The following P2RX4 variants were observed in gnomAD, a reference collection of about 807,000 sequenced individuals.
P2RX4 encodes P2X purinoceptor 4.
In P2RX4, 37 loss-of-function variants were observed where a neutral mutation model predicts 48.0. That is an observed-to-expected ratio of 0.77 (90% CI 0.59 to 1.01). The LOEUF (loss-of-function observed/expected upper bound fraction) is 1.01, where lower values mean the gene tolerates loss of function less well. Among genes scored for constraint, P2RX4 ranks in the 50% least tolerant of loss-of-function variants. The probability of loss-of-function intolerance (pLI) is 0.00; values close to 1 mark genes in which losing one functional copy is unlikely to be tolerated. For synonymous variants in P2RX4, 200 were observed against 199.7 expected (o/e 1.00, Z -0.01); for missense variants, 501 against 521.4 (o/e 0.96, Z 0.38).
chr12:121,222,375 T>C, intron 4 of P2RX4: 1 of 526,814 alleles, frequency 1.9e-6, no homozygotes, highest in South Asian at 2.5e-5. Flanking sequence ...TTTTTTTTTT[T>C]GTTGTTGTTG....
At chr12:121,226,541 TCAAAAA>T (rs1272845692) in intron 5 of P2RX4, among the ~76,000 whole-genome samples, 7 of 152,074 alleles carry the variant, frequency 4.6e-5, no homozygotes, top group Admixed American at 4.6e-4. Context: ...AGACCCTGTC[TCAAAAA>T]CAGAACAAAG....
At chr12:121,223,715 G>T (rs1194493834) in intron 5 of P2RX4, among the ~76,000 whole-genome samples, 1 of 152,228 alleles carries the variant, frequency 6.6e-6, no homozygotes, top group African/African-American at 2.4e-5. Flanking sequence ...TGCACAGCGG[G>T]GGGGCAGTGT....
At chr12:121,215,262 C>A (rs982780509) in intron 1 of P2RX4, 2 of 151,972 alleles carry the variant, frequency 1.3e-5, no homozygotes, top group African/African-American at 4.8e-5. Context: ...ATTCTTTTAC[C>A]CTCACAAGAA....
chr12:121,225,010 A>G (rs1275412054), intron 5 of P2RX4, among the ~76,000 whole-genome samples: 1 of 152,184 alleles, frequency 6.6e-6, no homozygotes, highest in Non-Finnish European at 1.5e-5. Context: ...TGAAAATTGA[A>G]ATATGGCTGG....
chr12:121,232,491 T>A lies in P2RX4; in HGVS notation c.962T>A (p.Ile321Asn), dbSNP rs558812744. 6.2e-7 allele frequency: 1 copy of A among 1,614,064 alleles called. No individual in the cohort carries two copies. The highest frequency in any genetic ancestry group is 1.1e-5 in the South Asian group (1 of 91,080). ...AAGGCCTATGGCATCCGCTTCGACA[T>A]CATTGTGTTTGGGAAGGTAGCTCGC... ...LIKAYGIRFD[I>N]IVFGKAGKFD... The change falls in exon 9 of 12, where the codon ATC (isoleucine) becomes AAC (asparagine). Residue 321 changes from isoleucine to asparagine, a missense_variant. Coordinates refer to ENST00000337233, the MANE Select transcript of P2RX4 (RefSeq NM_002560.3). The surrounding 1 kb of genome is among the most constrained non-coding windows in gnomAD (Gnocchi z 4.3).
Position 121,210,206 on chromosome 12 carries a change from G to A in P2RX4, c.42G>A (p.Glu14=), listed in dbSNP as rs776439123. 3.2e-6 allele frequency: 5 copies of A among 1,553,160 alleles called. No individual in the cohort carries two copies. Among genetic ancestry groups the A allele is most frequent in the Middle Eastern group, 2.3e-4 (1 of 4,302 alleles). Residue 14 remains glutamate (E), a synonymous_variant, in exon 1 of 12, where the codon GAG becomes GAA. Transcript: ENST00000337233. ...CCGCGCTGGCGGCCTTCCTGTTCGAGTACGACACGCCGCGCATCGTGCTCA... is the reference window on the plus strand; with the variant it reads ...CCGCGCTGGCGGCCTTCCTGTTCGAATACGACACGCCGCGCATCGTGCTCA... ...CCAALAAFLF[E]YDTPRIVLIR...
chr12:121,217,768 A>G (rs988639734), intron 2 of P2RX4, among the ~76,000 whole-genome samples: 2 of 151,352 alleles, frequency 1.3e-5, no homozygotes, highest in Non-Finnish European at 2.9e-5. Context: ...TCTATAAAAA[A>G]AAAAAAAAAG....
Position 121,233,520 on chromosome 12 carries a change from C to T in P2RX4, c.1141-3C>T. ...CTTGATCTGCTTGTGTCCTTCTTTG[C>T]AGGGTCTTGCTAGTGAGCTGGACCA... On this transcript the variant is annotated splice_region_variant and splice_polypyrimidine_tract_variant and intron_variant, in intron 11 of 11. Transcript: ENST00000337233. The T allele has an allele frequency of 6.2e-7, 1 of 1,607,692 alleles. No individual in the cohort carries two copies. Among genetic ancestry groups the T allele is most frequent in the Non-Finnish European group, 8.5e-7 (1 of 1,176,770 alleles).
chr12:121,210,209 C>A lies in P2RX4; in HGVS notation c.45C>A (p.Tyr15Ter). 6.4e-7 allele frequency: 1 copy of A among 1,553,688 alleles called. No individual in the cohort carries two copies. Among genetic ancestry groups the A allele is most frequent in the South Asian group, 1.2e-5 (1 of 84,340 alleles). Residue 15 changes from tyrosine to a stop codon, truncating the protein, a stop_gained, in exon 1 of 12, where the codon TAC becomes TAA. Transcript: ENST00000337233. LOFTEE classifies it high-confidence loss of function. ...CGCTGGCGGCCTTCCTGTTCGAGTA[C>A]GACACGCCGCGCATCGTGCTCATCC... Reference protein sequence around the residue: ...CAALAAFLFEYDTPRIVLIRS... With the variant: ...CAALAAFLFE
intron 5 of P2RX4, among the ~76,000 whole-genome samples, chr12:121,226,505 T>A (rs1300266570): frequency 1.3e-5 from 2 of 152,080 alleles, no homozygotes; most frequent in Non-Finnish European, 2.9e-5. Context: ...ATCATGCCAC[T>A]GCGCTCCAGC....
Position 121,232,331 on chromosome 12 carries a change from G to T in P2RX4, c.885-83G>T. The T allele has an allele frequency of 1.0e-6, 1 of 967,782 alleles. No homozygotes were observed. The allele number at this position is 967,782 out of a possible 1,614,324, so 59.9% of individuals were successfully genotyped here. ...CCGGCAGAGTGGACCATTCACCTGT[G>T]CCAGCTCCACTCTAACGTTCTCTCA... On this transcript the variant is annotated intron_variant, in intron 8 of 11. Transcript: ENST00000337233. This position sits in a 1 kb window ranked among gnomAD's most constrained non-coding sequence, Gnocchi z 4.3.
At position 121,232,923 on chromosome 12, in the gene P2RX4, G is replaced by A. The variant is rs11608486; in HGVS notation, c.1045-74G>A. On this transcript the variant is annotated intron_variant, in intron 10 of 11. Transcript: ENST00000337233. This position sits in a 1 kb window ranked among gnomAD's most constrained non-coding sequence, Gnocchi z 4.3. ...GTAAAGATTCCAGGCTTCTCAGGAA[G>A]GGGCACGCAAAGAATAAGATGGGTT... 9.5e-7 allele frequency: 1 copy of A among 1,056,750 alleles called. No individual in the cohort carries two copies. 65.5% of individuals were successfully genotyped at this position (1,056,750 alleles called of 1,614,324 possible). A position where few individuals can be genotyped will look rare whatever the true frequency, so the allele number is the denominator to read the frequency against.
chr12:121,232,020 A>AC lies in P2RX4; in HGVS notation c.885-394_885-393insC, dbSNP rs1287025086. 1.3e-5 allele frequency among the ~76,000 whole-genome samples: 2 copies of AC among 151,378 alleles called. No individual in the cohort carries two copies. Among genetic ancestry groups the AC allele is most frequent in the Non-Finnish European group, 2.9e-5 (2 of 67,820 alleles). ...ACTCCATCTCAAAAAAAAAAAAAAA[A>AC]AAAGTCCCTGCACTGATGCTGTGTT... On this transcript the variant is annotated intron_variant, in intron 8 of 11. Coordinates refer to ENST00000337233, the MANE Select transcript of P2RX4 (RefSeq NM_002560.3). The surrounding 1 kb of genome is among the most constrained non-coding windows in gnomAD (Gnocchi z 4.3).
rs748357186 is a variant in P2RX4 at position 121,229,062 on chromosome 12, G to A, written c.847G>A (p.Asp283Asn). The A allele has an allele frequency of 2.5e-6, 4 of 1,614,168 alleles. No individual in the cohort carries two copies. In the South Asian group the frequency reaches 3.3e-5, roughly 13 times the overall value. Reference protein sequence around the residue: ...RYSFRRLDTRDVEHNVSPGYN... With the variant: ...RYSFRRLDTRNVEHNVSPGYN... ...CTCCTTCCGCCGCCTCGATACACGG[G>A]ACGTTGAGCACAACGTATCTCCTGG... Residue 283 changes from aspartate to asparagine, a missense_variant, in exon 8 of 12, where the codon GAC becomes AAC. By Grantham distance (23) the Asp-to-Asn change is conservative. Around this residue, in one of 3 missense-constraint regions of P2RX4, gnomAD observed 197 missense variants for 219.5 expected, o/e 0.90. Coordinates refer to ENST00000337233, the MANE Select transcript of P2RX4 (RefSeq NM_002560.3). The surrounding 1 kb of genome is among the most constrained non-coding windows in gnomAD (Gnocchi z 4.6).
Position 121,229,009 on chromosome 12 carries a change from G to T in P2RX4, c.794G>T (p.Arg265Ile). The stretch of plus-strand genomic sequence containing the variant: ...GTCAACTGGGACTGCAACCTGGACA[G>T]AGCCGCCTCCCTCTGCTTGCCCAGG... ...IQVNWDCNLDRAASLCLPRYS... is the reference protein window; with the variant it reads ...IQVNWDCNLDIAASLCLPRYS... The change falls in exon 8 of 12, where the codon AGA (arginine) becomes ATA (isoleucine). Residue 265 changes from arginine to isoleucine, a missense_variant. Coordinates refer to ENST00000337233, the MANE Select transcript of P2RX4 (RefSeq NM_002560.3). This position sits in a 1 kb window ranked among gnomAD's most constrained non-coding sequence, Gnocchi z 4.6. 1.2e-6 allele frequency: 2 copies of T among 1,614,090 alleles called. No individual in the cohort carries two copies. Among genetic ancestry groups the T allele is most frequent in the Non-Finnish European group, 1.7e-6 (2 of 1,180,032 alleles).
intron 5 of P2RX4, among the ~76,000 whole-genome samples, chr12:121,226,988 G>A (rs866454682): frequency 5.3e-5 from 8 of 152,038 alleles, no homozygotes; most frequent in South Asian, 2.1e-4. Flanking sequence ...GGTGGTGCAC[G>A]CCTGTAACCC....
intron 1 of P2RX4, chr12:121,216,905 C>T: frequency 1.4e-6 from 1 of 703,914 alleles, no homozygotes; most frequent in Admixed American, 2.0e-5. Context: ...GTGCTGAGTG[C>T]TTTACCTGCA....
rs960984912 is a variant in P2RX4 at position 121,210,318 on chromosome 12, G to T, written c.134+20G>T. 6.7e-7 allele frequency: 1 copy of T among 1,500,552 alleles called. No individual in the cohort carries two copies. The highest frequency in any genetic ancestry group is 8.9e-7 in the Non-Finnish European group (1 of 1,128,662). 93.0% of individuals were successfully genotyped at this position (1,500,552 alleles called of 1,614,324 possible). On this transcript the variant is annotated intron_variant, in intron 1 of 11. Coordinates refer to ENST00000337233, the MANE Select transcript of P2RX4 (RefSeq NM_002560.3). ...CATCGGGTGAGCGTGGGGCCGCGCG[G>T]GGGGCGCGGCGGGTGCTGCCCTCGC...
chr12:121,222,039 A>G, intron 3 of P2RX4, 55 bp downstream of exon 3: 1 of 1,598,472 alleles, frequency 6.3e-7, no homozygotes, highest in Non-Finnish European at 8.6e-7. Flanking sequence ...ACGCCTGTCC[A>G]CCTGTGTGTG....
Sources: allele counts gnomAD v4.1 joint callset (sites outside exome capture counted in the v4.1 genomes callset), GRCh38; gene constraint gnomAD v4.1.1; regional missense constraint gnomAD v4.1.1; non-coding constraint Gnocchi (gnomAD v3.1); transcripts MANE v1.5; gene names NCBI Gene and HGNC (gene_info 2026-07-23, HGNC 2026-07-21).